Variants in DGKG observed in about 807,000 individuals in gnomAD.
DGKG encodes the protein diacylglycerol kinase gamma.
Under a neutral mutation model 105.3 loss-of-function variants are expected in DGKG, and 78 were observed. The ratio of observed to expected loss-of-function variants is 0.74; its 90% CI spans 0.62 to 0.89. DGKG has a LOEUF of 0.89. Ranked by LOEUF, DGKG falls within the 40% of genes least tolerant of loss-of-function variation. The pLI is 0.00. For missense variants in DGKG, 958 were observed against 1,020.1 expected, an observed-to-expected ratio of 0.94 and a Z score of 0.83; for synonymous variants, 346 against 367.1, an observed-to-expected ratio of 0.94 and a Z score of 0.66.
At position 186,148,983 on chromosome 3, in the gene DGKG, A is replaced by G. The variant is rs1217890603; in HGVS notation, c.*1107T>C. The G allele has an allele frequency of 1.3e-6, 1 of 768,200 alleles. No individual in the cohort carries two copies. Among genetic ancestry groups the G allele is most frequent in the African/African-American group, 1.9e-5 (1 of 52,742 alleles). 47.6% of individuals were successfully genotyped at this position (768,200 alleles called of 1,614,324 possible). A position where few individuals can be genotyped will look rare whatever the true frequency, so the allele number is the denominator to read the frequency against. ...TTTATATATATATATATATAAATAT[A>G]TAGGCTAAATATATATATATACACG... On this transcript the variant is annotated 3_prime_UTR_variant, in exon 25 of 25. Transcript: ENST00000265022.
chr3:186,203,633 G>A lies in DGKG; in HGVS notation c.1917+8162C>T, dbSNP rs1031648403. Among the ~76,000 whole-genome samples, 3 of 152,200 alleles carry A rather than the reference G, an allele frequency of 2.0e-5. No homozygotes were observed. The highest frequency in any genetic ancestry group is 7.2e-5 in the African/African-American group (3 of 41,446). On this transcript the variant is annotated intron_variant, in intron 21 of 24. Transcript: ENST00000265022. This position sits in a 1 kb window ranked among gnomAD's most constrained non-coding sequence, Gnocchi z 4.9. ...AAGGTGATGCTGGAATGAGGGAGCT[G>A]CTGGACTGGATTGAGGAAGGGGAAT...
At chr3:186,209,093 C>CTTTTTTTTTTCTTTTTTTTTTTTT (rs1718896228) in intron 21 of DGKG, among the ~76,000 whole-genome samples, 1 of 89,838 alleles carries the variant, frequency 1.1e-5, no homozygotes, top group African/African-American at 4.8e-5. Context: ...GTTTACTCTT[C>CTTTTTTTTTTCTTTTTTTTTTTTT]TTTTTTTTTT....
At chr3:186,154,823 T>A (rs1205674502) in intron 24 of DGKG, among the ~76,000 whole-genome samples, 1 of 152,184 alleles carries the variant, frequency 6.6e-6, no homozygotes, top group Non-Finnish European at 1.5e-5. Context: ...ACCTTGGAAC[T>A]TGTTAGAAAT....
At chr3:186,179,241 G>C (rs373053534) in intron 22 of DGKG, among the ~76,000 whole-genome samples, 66 of 152,224 alleles carry the variant, frequency 4.3e-4, no homozygotes, top group African/African-American at 1.6e-3. Flanking sequence ...GAACACAGCC[G>C]TGCCCGTTCA....
intron 11 of DGKG, 58 bp downstream of exon 11, chr3:186,272,197 G>A (rs1722347262): frequency 1.5e-6 from 2 of 1,352,420 alleles, no homozygotes; most frequent in Non-Finnish European, 1.1e-6. Flanking sequence ...AATCCATGTT[G>A]ATGGACATGT....
chr3:186,157,380 T>C (rs1716085012), intron 24 of DGKG, among the ~76,000 whole-genome samples: 1 of 152,198 alleles, frequency 6.6e-6, no homozygotes, highest in African/African-American at 2.4e-5. Context: ...TACTTTTAAC[T>C]AGAATTCTTA....
intron 2 of DGKG, among the ~76,000 whole-genome samples, chr3:186,307,881 CTT>C (rs3216624): frequency 4.2e-5 from 6 of 144,542 alleles, no homozygotes; most frequent in Admixed American, 6.8e-5. Context: ...AACTCTGTCC[CTT>C]TTTTTTTTTT....
intron 1 of DGKG, among the ~76,000 whole-genome samples, chr3:186,351,991 A>G (rs1056377710): frequency 6.6e-6 from 1 of 152,218 alleles, no homozygotes; most frequent in African/African-American, 2.4e-5. Context: ...GGAGACGTAA[A>G]AAAGTACTGA....
At position 186,320,657 on chromosome 3, in the gene DGKG, G is replaced by A; in HGVS notation, c.-198C>T. The A allele has an allele frequency of 1.4e-6, 1 of 724,736 alleles. No homozygotes were observed. Among genetic ancestry groups the A allele is most frequent in the South Asian group, 3.5e-5 (1 of 28,294 alleles). 44.9% of individuals were successfully genotyped at this position (724,736 alleles called of 1,614,324 possible). A position where few individuals can be genotyped will look rare whatever the true frequency, so the allele number is the denominator to read the frequency against. ...AGACAAGATCTCTGCTATTCCTTAGGCAACATCCTCCTGTCTGTATTCAAG... is the reference window on the plus strand; with the variant it reads ...AGACAAGATCTCTGCTATTCCTTAGACAACATCCTCCTGTCTGTATTCAAG... On this transcript the variant is annotated 5_prime_UTR_variant, in exon 2 of 25. Coordinates refer to ENST00000265022, the MANE Select transcript of DGKG (RefSeq NM_001346.3).
At chr3:186,299,823 T>TTCTTTC (rs1553815839) in intron 3 of DGKG, among the ~76,000 whole-genome samples, 3 of 108,400 alleles carry the variant, frequency 2.8e-5, no homozygotes, top group Non-Finnish European at 2.0e-5. Flanking sequence ...CTTTCTTTCT[T>TTCTTTC]TCTTTCTTTC....
In DGKG at chr3:186,164,961, T is replaced by G; in HGVS notation, c.2153A>C (p.Gln718Pro). ...VGLEGAMEMG[Q>P]IYTGLKSAGR... ...TGCACTCTTCAGGCCGGTGTAGATC[T>G]GCCCCATCTCCATGGCTCCTTCTAG... The change falls in exon 23 of 25, where the codon CAG becomes CCG. Residue 718 changes from glutamine to proline, a missense_variant. Transcript: ENST00000265022. 1 of 1,611,468 alleles carries G rather than the reference T, an allele frequency of 6.2e-7. No individual in the cohort carries two copies. The highest frequency in any genetic ancestry group is 8.5e-7 in the Non-Finnish European group (1 of 1,179,094).
rs369157182 is a variant in DGKG, at chr3:186,174,816, T to A, written c.2096-9798A>T. ...GTTGGATACTCTTAGGCCAGTTGGG[T>A]ACCCCGCTCCTTTGTGCCATGCCCT... On this transcript the variant is annotated intron_variant, in intron 22 of 24. Transcript: ENST00000265022. Among the ~76,000 whole-genome samples, 270 of 152,188 alleles carry A rather than the reference T, an allele frequency of 1.8e-3. 11 individuals are homozygous for A. In the South Asian group the frequency reaches 0.053, roughly 30 times the overall value.
intron 20 of DGKG, among the ~76,000 whole-genome samples, chr3:186,230,360 T>C (rs1170080256): frequency 1.3e-5 from 2 of 151,996 alleles, no homozygotes; most frequent in Non-Finnish European, 2.9e-5. Context: ...GTTAAGTAGG[T>C]TCGTTCAGAA....
intron 15 of DGKG, among the ~76,000 whole-genome samples, chr3:186,260,915 AC>A (rs765691918): frequency 6.6e-6 from 1 of 151,726 alleles, no homozygotes; most frequent in Non-Finnish European, 1.5e-5. Flanking sequence ...GCATCACAGG[AC>A]CCCCTCCTCC....
At chr3:186,348,381 T>C (rs1046261479) in intron 1 of DGKG, among the ~76,000 whole-genome samples, 3 of 150,220 alleles carry the variant, frequency 2.0e-5, no homozygotes, top group African/African-American at 7.4e-5. Context: ...TTTTTTTTTT[T>C]TTTTCCTTGT....
At chr3:186,185,346 C>A (rs562649256) in intron 22 of DGKG, among the ~76,000 whole-genome samples, 1 of 152,266 alleles carries the variant, frequency 6.6e-6, no homozygotes, top group African/African-American at 2.4e-5. Context: ...TCTGAAAGCA[C>A]ATTGTAGGGG....
intron 1 of DGKG, among the ~76,000 whole-genome samples, chr3:186,321,235 A>G (rs1160390806): frequency 6.6e-6 from 1 of 152,206 alleles, no homozygotes; most frequent in Non-Finnish European, 1.5e-5. Context: ...GGAAATGGGG[A>G]TGGATTCAAA....
At chr3:186,356,761 A>C (rs1047045018) in intron 1 of DGKG, among the ~76,000 whole-genome samples, 3 of 152,214 alleles carry the variant, frequency 2.0e-5, no homozygotes, top group Non-Finnish European at 4.4e-5. Flanking sequence ...GGCGTTGGCC[A>C]GGGATTTGAG....
intron 19 of DGKG, among the ~76,000 whole-genome samples, chr3:186,244,727 A>T (rs1323030047): frequency 5.3e-5 from 8 of 151,932 alleles, no homozygotes; most frequent in Admixed American, 1.3e-4. Flanking sequence ...TTAGCTTAAG[A>T]TATATTAAGA....
Sources: allele counts gnomAD v4.1 joint callset (sites outside exome capture counted in the v4.1 genomes callset), GRCh38; gene constraint gnomAD v4.1.1; non-coding constraint Gnocchi (gnomAD v3.1); transcripts MANE v1.5; gene names NCBI Gene and HGNC (gene_info 2026-07-23, HGNC 2026-07-21).